Variants in DLGAP1 observed in about 807,000 individuals in gnomAD.
The protein encoded by DLGAP1 is DLG associated protein 1.
In DLGAP1, 11 loss-of-function variants were observed where a neutral mutation model predicts 90.8. The ratio of observed to expected loss-of-function variants is 0.12; its 90% CI spans 0.08 to 0.20. The LOEUF is 0.20. Among genes scored for constraint, DLGAP1 ranks in the 10% least tolerant of loss-of-function variants. The probability of loss-of-function intolerance (pLI) is 1.00; values close to 1 mark genes in which losing one functional copy is unlikely to be tolerated. For missense variants in DLGAP1, 1,050 were observed against 1,333.8 expected, an observed-to-expected ratio of 0.79 and a Z score of 3.31; for synonymous variants, 558 against 540.7, an observed-to-expected ratio of 1.03 and a Z score of -0.44.
chr18:4,098,641 C>T (rs1381710018), intron 2 of DLGAP1, among the ~76,000 whole-genome samples: 1 of 151,842 alleles, frequency 6.6e-6, no homozygotes, highest in African/African-American at 2.4e-5. Context: ...GAGAAAACCG[C>T]CAATAGAAAT....
intron 12 of DLGAP1, among the ~76,000 whole-genome samples, chr18:3,500,270 T>TA (rs1268246089): frequency 4.6e-5 from 7 of 151,752 alleles, no homozygotes; most frequent in South Asian, 2.1e-4. Context: ...TCTTTGGCAT[T>TA]AAAAAAAATG....
chr18:4,000,836 A>G (rs1194841679), intron 3 of DLGAP1, among the ~76,000 whole-genome samples: 2 of 152,208 alleles, frequency 1.3e-5, no homozygotes, highest in African/African-American at 2.4e-5. Flanking sequence ...GTGCCAAAAA[A>G]ACCTTTTTTC....
intron 2 of DLGAP1, among the ~76,000 whole-genome samples, chr18:4,036,465 T>A (rs1466133887): frequency 6.6e-6 from 1 of 152,190 alleles, no homozygotes; most frequent in Non-Finnish European, 1.5e-5. Context: ...AGTTTGACAG[T>A]TCATTTAACT....
At chr18:3,742,002 C>T (rs2063073475) in intron 6 of DLGAP1, among the ~76,000 whole-genome samples, 1 of 152,052 alleles carries the variant, frequency 6.6e-6, no homozygotes, top group Admixed American at 6.6e-5. Flanking sequence ...GCCACCATGC[C>T]AGGCTTACAT....
intron 1 of DLGAP1, among the ~76,000 whole-genome samples, chr18:4,189,631 G>C (rs2144721482): frequency 6.6e-6 from 1 of 152,230 alleles, no homozygotes; most frequent in African/African-American, 2.4e-5. Context: ...AGTTTATATG[G>C]AAAGACAAAA....
rs560540634 is a variant in DLGAP1, at chr18:4,046,332, A to G, written c.-158-41131T>C. Reference sequence around the variant, plus strand: ...AATAGCAATATTTACCTAATTATAGACCACTAGTGAGTAGGATCATTTGGG... The same window carrying G: ...AATAGCAATATTTACCTAATTATAGGCCACTAGTGAGTAGGATCATTTGGG... On this transcript the variant is annotated intron_variant, in intron 2 of 12. Transcript: ENST00000315677. Among the ~76,000 whole-genome samples, 4 of 152,338 alleles carry G rather than the reference A, an allele frequency of 2.6e-5. No individual in the cohort carries two copies. The South Asian group carries it at 8.3e-4, about 32-fold the overall frequency.
chr18:4,362,601 T>C (rs1239724868), intron 1 of DLGAP1, among the ~76,000 whole-genome samples: 1 of 152,112 alleles, frequency 6.6e-6, no homozygotes, highest in Non-Finnish European at 1.5e-5. Flanking sequence ...AGTTACTGTT[T>C]AATGGGTACA....
intron 2 of DLGAP1, among the ~76,000 whole-genome samples, chr18:4,141,562 C>T (rs1274558078): frequency 1.3e-5 from 2 of 152,014 alleles, no homozygotes; most frequent in Non-Finnish European, 2.9e-5. Flanking sequence ...TTTTGACCTT[C>T]TGGACTCCCT....
At chr18:3,566,935 T>A (rs555250164) in intron 9 of DLGAP1, among the ~76,000 whole-genome samples, 1 of 152,242 alleles carries the variant, frequency 6.6e-6, no homozygotes, top group East Asian at 1.9e-4. Context: ...AATTCTGTAA[T>A]TTTATGAAAT....
chr18:3,742,630 G>T (rs2063104035), intron 5 of DLGAP1, 118 bp from the exon 6 acceptor site: 1 of 1,197,730 alleles, frequency 8.3e-7, no homozygotes, highest in Non-Finnish European at 1.2e-6. Flanking sequence ...TGACATAGAT[G>T]CCCTTCTGTG....
At chr18:3,605,488 A>G (rs2057286504) in intron 7 of DLGAP1, among the ~76,000 whole-genome samples, 2 of 152,238 alleles carry the variant, frequency 1.3e-5, no homozygotes, top group South Asian at 2.1e-4. Flanking sequence ...GCTGCCTACA[A>G]ACCAATTTGG....
At chr18:4,319,864 A>AT (rs1158136036) in intron 1 of DLGAP1, among the ~76,000 whole-genome samples, 2 of 152,086 alleles carry the variant, frequency 1.3e-5, no homozygotes, top group Non-Finnish European at 2.9e-5. Flanking sequence ...AGCCTCCCTC[A>AT]TTCCTTCATA....
chr18:4,103,181 A>G (rs2075807305), intron 2 of DLGAP1, among the ~76,000 whole-genome samples: 1 of 152,052 alleles, frequency 6.6e-6, no homozygotes, highest in Admixed American at 6.5e-5. Flanking sequence ...TCTTTTAGAT[A>G]CATTTTTAGG....
intron 3 of DLGAP1, among the ~76,000 whole-genome samples, chr18:3,949,907 T>C (rs991986448): frequency 9.9e-5 from 15 of 152,244 alleles, no homozygotes; most frequent in African/African-American, 3.6e-4. Flanking sequence ...TGATATTTTG[T>C]TTCTTTAAGG....
intron 3 of DLGAP1, among the ~76,000 whole-genome samples, chr18:3,882,034 C>T (rs943398210): frequency 5.9e-5 from 9 of 152,180 alleles, no homozygotes; most frequent in African/African-American, 2.2e-4. Context: ...AACAACTTCA[C>T]CACACAAACA....
rs1176262475 is a variant in DLGAP1, at chr18:3,660,307, CTTTCT to C, written c.1591+68823_1591+68827del. On this transcript the variant is annotated intron_variant, in intron 7 of 12. Coordinates refer to ENST00000315677, the MANE Select transcript of DLGAP1 (RefSeq NM_004746.4). This position sits in a 1 kb window ranked among gnomAD's most constrained non-coding sequence, Gnocchi z 4.2. ...TACAGGTACCTGTCACCACAACTGG[CTTTCT>C]TTTATTTTTTAAAAATAGCACTTTT... Among the ~76,000 whole-genome samples the C allele has an allele frequency of 2.0e-5, 3 of 152,168 alleles. No individual in the cohort carries two copies. Among genetic ancestry groups the C allele is most frequent in the Non-Finnish European group, 4.4e-5 (3 of 68,030 alleles).
chr18:4,052,437 C>T (rs530134162), intron 2 of DLGAP1, among the ~76,000 whole-genome samples: 1 of 152,194 alleles, frequency 6.6e-6, no homozygotes, highest in Non-Finnish European at 1.5e-5. Flanking sequence ...GAAACAATGT[C>T]TTGAGCTGTA....
intron 1 of DLGAP1, among the ~76,000 whole-genome samples, chr18:4,448,941 C>A (rs280987): frequency 0.077 from 11,672 of 152,276 alleles, 500 homozygotes; most frequent in Middle Eastern, 0.13. Flanking sequence ...TCCCTGTGAT[C>A]TGATTTATTC....
chr18:3,755,065 A>C (rs1035190263), intron 5 of DLGAP1, among the ~76,000 whole-genome samples: 6 of 152,184 alleles, frequency 3.9e-5, no homozygotes, highest in Non-Finnish European at 8.8e-5. Flanking sequence ...TACTACTATA[A>C]TAATATTGAT....
Sources: gnomAD v4.1 joint callset for allele counts (sites outside exome capture counted in the v4.1 genomes callset) on GRCh38, gnomAD v4.1.1 for gene constraint, Gnocchi (gnomAD v3.1) non-coding constraint, MANE v1.5 for transcripts, NCBI Gene and HGNC (gene_info 2026-07-23, HGNC 2026-07-21) for gene names.